Variants in COL23A1 observed in about 807,000 individuals in gnomAD.
The protein encoded by COL23A1 is collagen alpha-1(XXIII) chain.
Under a neutral mutation model 99.3 loss-of-function variants are expected in COL23A1, and 97 were observed. That is an observed-to-expected ratio of 0.98 (90% CI 0.83 to 1.16). The LOEUF is 1.16. Among genes scored for constraint, COL23A1 ranks in the 50% most tolerant of loss-of-function variants. The probability of loss-of-function intolerance (pLI) is 0.00; values close to 1 mark genes in which losing one functional copy is unlikely to be tolerated. For missense variants in COL23A1, 762 were observed against 757.4 expected (o/e 1.01, Z -0.07); for synonymous variants, 320 against 308.2 (o/e 1.04, Z -0.40).
At chr5:178,379,540 A>C (rs1255842329) in intron 2 of COL23A1, among the ~76,000 whole-genome samples, 1 of 152,198 alleles carries the variant, frequency 6.6e-6, no homozygotes, top group African/African-American at 2.4e-5. Flanking sequence ...AGTAAGCAAG[A>C]ATTCATGTAT....
At chr5:178,480,394 G>A (rs925009713) in intron 2 of COL23A1, among the ~76,000 whole-genome samples, 4 of 152,166 alleles carry the variant, frequency 2.6e-5, no homozygotes, top group Non-Finnish European at 2.9e-5. Flanking sequence ...GGAGCCAGAA[G>A]GAGTTCTCAA....
In COL23A1 at chr5:178,489,757, C is replaced by T. The variant is rs577987520; in HGVS notation, c.361+70925G>A. ...CACCTCACCACGGGATGCAGCAATT[C>T]CGCTCCTCGATACAGACCCAGAGGC... On this transcript the variant is annotated intron_variant, in intron 2 of 28. Transcript: ENST00000390654. 4.6e-5 allele frequency among the ~76,000 whole-genome samples: 7 copies of T among 152,356 alleles called. No homozygotes were observed. The South Asian group carries it at 8.3e-4, about 18-fold the overall frequency.
Position 178,308,369 on chromosome 5 carries a change from A to AC in COL23A1, c.362-1451dup, listed in dbSNP as rs1758481154. On this transcript the variant is annotated intron_variant, in intron 2 of 28. Coordinates refer to ENST00000390654, the MANE Select transcript of COL23A1 (RefSeq NM_173465.4). This position sits in a 1 kb window ranked among gnomAD's most constrained non-coding sequence, Gnocchi z 5.1. ...GTTAAACAAAACTTAAAAATGAAAA[A>AC]CATGTTACTTCTTGCTCCCCTGAGT... Among the ~76,000 whole-genome samples the AC allele has an allele frequency of 6.6e-6, 1 of 152,118 alleles. No homozygotes were observed. The highest frequency in any genetic ancestry group is 6.5e-5 in the Admixed American group (1 of 15,272).
At chr5:178,529,441 C>A (rs1324509943) in intron 2 of COL23A1, among the ~76,000 whole-genome samples, 1 of 151,662 alleles carries the variant, frequency 6.6e-6, no homozygotes, top group East Asian at 1.9e-4. Flanking sequence ...CCAAGTGCAA[C>A]TGTGTAACAC....
In COL23A1 at chr5:178,290,463, G is replaced by GTCCC; in HGVS notation, c.407-95_407-94insGGGA. 6 of 1,522,114 alleles carry GTCCC rather than the reference G, an allele frequency of 3.9e-6. No individual in the cohort carries two copies. In the African/African-American group the frequency reaches 6.8e-5, roughly 17 times the overall value. The allele number at this position is 1,522,114 out of a possible 1,614,324, so 94.3% of individuals were successfully genotyped here. ...GGTCCCCTCACCTGTCCTCAGCACG[G>GTCCC]CTCCTGGCCACCTCTCCCCGGAAGG... is the stretch of plus-strand genomic sequence containing the variant. On this transcript the variant is annotated intron_variant, in intron 3 of 28. Coordinates refer to ENST00000390654, the MANE Select transcript of COL23A1 (RefSeq NM_173465.4).
chr5:178,522,353 A>G (rs1484466506), intron 2 of COL23A1, among the ~76,000 whole-genome samples: 1 of 152,198 alleles, frequency 6.6e-6, no homozygotes, highest in Non-Finnish European at 1.5e-5. Flanking sequence ...TCAAATGAAG[A>G]CATACATATT....
intron 2 of COL23A1, among the ~76,000 whole-genome samples, chr5:178,547,896 CCA>C (rs1415238942): frequency 1.4e-5 from 1 of 73,648 alleles, no homozygotes; most frequent in Non-Finnish European, 2.7e-5. Flanking sequence ...CACCCCACAC[CCA>C]CCCATACACA....
chr5:178,587,239 G>T (rs539406120), intron 1 of COL23A1, among the ~76,000 whole-genome samples: 2 of 152,150 alleles, frequency 1.3e-5, no homozygotes, highest in African/African-American at 4.8e-5. Flanking sequence ...AGATACGATC[G>T]TTCATGGCTC....
intron 2 of COL23A1, among the ~76,000 whole-genome samples, chr5:178,324,238 C>T (rs1581153911): frequency 6.6e-6 from 1 of 152,112 alleles, no homozygotes; most frequent in Admixed American, 6.5e-5. Context: ...TTTGCATTTT[C>T]AACAAGTTCA....
chr5:178,518,727 T>C (rs1200766574), intron 2 of COL23A1, among the ~76,000 whole-genome samples: 1 of 144,802 alleles, frequency 6.9e-6, no homozygotes, highest in African/African-American at 2.6e-5. Flanking sequence ...CACTCCTCAC[T>C]TCCCAGACGG....
At chr5:178,258,262 T>TATATATATATATATATATATACATACAC in intron 12 of COL23A1, among the ~76,000 whole-genome samples, 5 of 104,126 alleles carry the variant, frequency 4.8e-5, no homozygotes, top group Non-Finnish European at 6.7e-5. Flanking sequence ...TATATATATA[T>TATATATATATATATATATATACATACAC]ACACATGCAA....
At chr5:178,435,118 T>C (rs555635740) in intron 2 of COL23A1, among the ~76,000 whole-genome samples, 4 of 152,348 alleles carry the variant, frequency 2.6e-5, no homozygotes, top group Non-Finnish European at 5.9e-5. Flanking sequence ...GGAAATTACT[T>C]TGGGGTCACA....
At chr5:178,391,417 A>G (rs894514168) in intron 2 of COL23A1, among the ~76,000 whole-genome samples, 1 of 152,280 alleles carries the variant, frequency 6.6e-6, no homozygotes, top group Non-Finnish European at 1.5e-5. Context: ...AAATAGGCAG[A>G]GGATGTCAAT....
rs1766443762 is a variant in COL23A1 at position 178,434,496 on chromosome 5, T to C, written c.361+126186A>G. On this transcript the variant is annotated intron_variant, in intron 2 of 28. Transcript: ENST00000390654. The surrounding 1 kb of genome is among the most constrained non-coding windows in gnomAD (Gnocchi z 4.3). ...TGAACCTCACACCTCATCTGTAAAA[T>C]GGTGAGGTTGGGTGAAGATCAAAGG... Among the ~76,000 whole-genome samples, 1 of 152,092 alleles carries C rather than the reference T, an allele frequency of 6.6e-6. No individual in the cohort carries two copies. The highest frequency in any genetic ancestry group is 6.5e-5 in the Admixed American group (1 of 15,284).
At position 178,340,703 on chromosome 5, in the gene COL23A1, T is replaced by A. The variant is rs1760603455; in HGVS notation, c.362-33784A>T. ...GCAAACTGGACACCGGGGATTCTAGTCCTCGGCCCTCCCAGGGGCAGTGAG... is the reference window on the plus strand; with the variant it reads ...GCAAACTGGACACCGGGGATTCTAGACCTCGGCCCTCCCAGGGGCAGTGAG... On this transcript the variant is annotated intron_variant, in intron 2 of 28. Transcript: ENST00000390654. This position sits in a 1 kb window ranked among gnomAD's most constrained non-coding sequence, Gnocchi z 4.7. 6.6e-6 allele frequency among the ~76,000 whole-genome samples: 1 copy of A among 152,190 alleles called. No individual in the cohort carries two copies. Among genetic ancestry groups the A allele is most frequent in the Non-Finnish European group, 1.5e-5 (1 of 68,030 alleles).
At chr5:178,332,506 T>TA (rs369173872) in intron 2 of COL23A1, among the ~76,000 whole-genome samples, 53 of 152,296 alleles carry the variant, frequency 3.5e-4, no homozygotes, top group African/African-American at 1.2e-3. Flanking sequence ...TCTTTTGGCT[T>TA]AAACTGGCTG....
chr5:178,487,580 C>T (rs1757705022), intron 2 of COL23A1, among the ~76,000 whole-genome samples: 2 of 152,142 alleles, frequency 1.3e-5, no homozygotes, highest in African/African-American at 4.8e-5. Context: ...GATGGCCAGA[C>T]ATTTATGGGG....
At chr5:178,267,946 GGC>G in intron 7 of COL23A1, among the ~76,000 whole-genome samples, 1 of 152,250 alleles carries the variant, frequency 6.6e-6, no homozygotes, top group South Asian at 2.1e-4. Flanking sequence ...CACACAGCCC[GGC>G]AACTTGGCCA....
chr5:178,567,196 CCTCT>C (rs1762880430), intron 1 of COL23A1, among the ~76,000 whole-genome samples: 1 of 152,208 alleles, frequency 6.6e-6, no homozygotes, highest in African/African-American at 2.4e-5. Flanking sequence ...TCTACACCTC[CCTCT>C]GTCTGCAGAG....
Sources: gnomAD v4.1 joint callset for allele counts (sites outside exome capture counted in the v4.1 genomes callset) on GRCh38, gnomAD v4.1.1 for gene constraint, Gnocchi (gnomAD v3.1) non-coding constraint, MANE v1.5 for transcripts, NCBI Gene and HGNC (gene_info 2026-07-23, HGNC 2026-07-21) for gene names.